DNHD1: variants seen among roughly 807,000 people sequenced by gnomAD.
DNHD1 encodes the protein dynein heavy chain domain-containing protein 1.
DNHD1 carries 383 observed loss-of-function variants against 458.1 expected under a neutral mutation model. The observed-to-expected ratio is 0.84, with a 90% CI of 0.77 to 0.91. The LOEUF (loss-of-function observed/expected upper bound fraction) is 0.91. Ranked by LOEUF, DNHD1 falls within the 40% of genes least tolerant of loss-of-function variation. The pLI, the probability that DNHD1 is intolerant of heterozygous loss-of-function variation, is 0.00. For synonymous variants in DNHD1, 2,203 were observed against 2,376.9 expected (o/e 0.93, Z 2.13); for missense variants, 5,336 against 5,866.1 (o/e 0.91, Z 2.95).
chr11:6,530,027 T>G (rs1489871229), intron 12 of DNHD1, among the ~76,000 whole-genome samples: 1 of 152,234 alleles, frequency 6.6e-6, no homozygotes, highest in Non-Finnish European at 1.5e-5. Context: ...ATCAATTCTC[T>G]GCTATCATCT....
In DNHD1 at chr11:6,538,818, T is replaced by C. The variant is rs1223222809; in HGVS notation, c.3325+8T>C. On this transcript the variant is annotated splice_region_variant and intron_variant, in intron 16 of 42. Coordinates refer to ENST00000254579, the MANE Select transcript of DNHD1 (RefSeq NM_144666.3). ...GCCAGTGTCTCCTGCGTGGTATGTT[T>C]GGTTAATGTCAGAGGAGGGGGAAAG... 6.7e-7 allele frequency: 1 copy of C among 1,492,922 alleles called. No individual in the cohort carries two copies. Among genetic ancestry groups the C allele is most frequent in the Non-Finnish European group, 9.0e-7 (1 of 1,113,184 alleles). 92.5% of individuals were successfully genotyped at this position (1,492,922 alleles called of 1,614,324 possible). A position where few individuals can be genotyped will look rare whatever the true frequency, so the allele number is the denominator to read the frequency against.
chr11:6,499,626 G>A (rs1040265903), intron 3 of DNHD1, among the ~76,000 whole-genome samples: 7 of 151,832 alleles, frequency 4.6e-5, no homozygotes, highest in Non-Finnish European at 1.0e-4. Context: ...GGAGTGCAAC[G>A]GCATGGTCTC....
intron 39 of DNHD1, 45 bp from the exon 40 acceptor site, chr11:6,569,964 A>C: frequency 6.5e-7 from 1 of 1,548,262 alleles, no homozygotes; most frequent in Non-Finnish European, 8.9e-7. Context: ...AGTCCTCAGC[A>C]TATAGATGAT....
In DNHD1 at chr11:6,547,107, C is replaced by G. The variant is rs1365238561; in HGVS notation, c.6168C>G (p.Pro2056=). ...EGSCWHHGIF[P]KVLRAAGQCN... is the part of the protein sequence containing the mutation. ...CCTGCTGGCATCATGGCATCTTTCC[C>G]AAGGTACTTCGTGCAGCCGGTCAGT... The change falls in exon 21 of 43, where the codon CCC becomes CCG. Residue 2056 remains proline, a synonymous_variant. Transcript: ENST00000254579. The G allele has an allele frequency of 6.4e-7, 1 of 1,551,620 alleles. No individual in the cohort carries two copies. The highest frequency in any genetic ancestry group is 8.7e-7 in the Non-Finnish European group (1 of 1,147,012).
At position 6,564,671 on chromosome 11, in the gene DNHD1, G is replaced by A; in HGVS notation, c.10623G>A (p.Leu3541=). The A allele has an allele frequency of 6.4e-7, 1 of 1,551,734 alleles. No individual in the cohort carries two copies. Among genetic ancestry groups the A allele is most frequent in the Non-Finnish European group, 8.7e-7 (1 of 1,147,000 alleles). ...CGGCCCACCTGGCAGGCTTGCTTCT[G>A]CGAAGCCCCACACACTACAGTAGTT... is the stretch of plus-strand genomic sequence containing the variant. ...AKSAHLAGLL[L]RSPTHYSSCR... The change falls in exon 32 of 43, where the codon CTG becomes CTA. Residue 3541 remains leucine, a synonymous_variant. Transcript: ENST00000254579.
At position 6,565,946 on chromosome 11, in the gene DNHD1, G is replaced by A; in HGVS notation, c.11008G>A (p.Ala3670Thr). Residue 3670 changes from alanine to threonine, a missense_variant, in exon 33 of 43, where the codon GCT (alanine) becomes ACT (threonine). This residue lies in a region of DNHD1 where 695 missense variants were observed against 804.2 expected (regional missense o/e 0.86). Transcript: ENST00000254579. ...SLPYLSVLSG[A>T]DPELGSQLQE... The stretch of plus-strand genomic sequence containing the variant: ...TCCCTACCTTAGTGTTCTTTCAGGT[G>A]CTGACCCAGAGCTGGGTTCTCAGCT... The A allele has an allele frequency of 6.4e-7, 1 of 1,551,658 alleles. No individual in the cohort carries two copies. The highest frequency in any genetic ancestry group is 1.4e-5 in the African/African-American group (1 of 73,132).
chr11:6,521,049 A>G (rs2134396838), intron 10 of DNHD1, among the ~76,000 whole-genome samples: 1 of 152,342 alleles, frequency 6.6e-6, no homozygotes, highest in South Asian at 2.1e-4. Flanking sequence ...CTCCAAATAA[A>G]TTTAGGTTAA....
intron 32 of DNHD1, 126 bp from the exon 33 acceptor site, chr11:6,565,569 A>T: frequency 9.5e-7 from 1 of 1,049,408 alleles, no homozygotes; most frequent in Non-Finnish European, 1.4e-6. Context: ...TAGAGAGCTT[A>T]AGCAACTTTC....
chr11:6,528,409 G>GTGTA, intron 10 of DNHD1, 113 bp from the exon 11 acceptor site: 2 of 967,672 alleles, frequency 2.1e-6, no homozygotes, highest in Middle Eastern at 2.6e-4. Flanking sequence ...GAATGGGTGT[G>GTGTA]TGTGTGTGTG....
chr11:6,526,030 C>T (rs1852705142), intron 10 of DNHD1, among the ~76,000 whole-genome samples: 1 of 109,058 alleles, frequency 9.2e-6, no homozygotes, highest in Admixed American at 9.0e-5. Context: ...TTGTTCTCTT[C>T]CCTTGCTTTG....
At chr11:6,541,512 C>A (rs10500673) in intron 18 of DNHD1, among the ~76,000 whole-genome samples, 126,634 of 152,158 alleles carry the variant, frequency 0.83, 53,337 homozygotes, top group Admixed American at 0.89. Flanking sequence ...GGCTTTAGTC[C>A]GTACATTTGA....
intron 10 of DNHD1, among the ~76,000 whole-genome samples, chr11:6,525,246 G>T (rs1852687436): frequency 6.6e-6 from 1 of 152,120 alleles, no homozygotes; most frequent in Non-Finnish European, 1.5e-5. Context: ...CTCCCCATCA[G>T]ACTCACTTTT....
At chr11:6,520,514 G>T in intron 10 of DNHD1, 1 of 1,398,522 alleles carries the variant, frequency 7.2e-7, no homozygotes, top group Non-Finnish European at 9.3e-7. Context: ...CGTGCAATGA[G>T]AGGGTGTATG....
intron 28 of DNHD1, among the ~76,000 whole-genome samples, chr11:6,562,117 A>T (rs556355880): frequency 6.6e-6 from 1 of 152,296 alleles, no homozygotes; most frequent in South Asian, 2.1e-4. Context: ...AGTGACTGAC[A>T]TTGGGAAGGG....
intron 10 of DNHD1, chr11:6,520,793 G>A: frequency 2.0e-6 from 2 of 991,802 alleles, no homozygotes; most frequent in Non-Finnish European, 2.4e-6. Flanking sequence ...CATCAGCGTG[G>A]AAACACATCT....
Position 6,529,027 on chromosome 11 carries a change from T to C in DNHD1, c.2253T>C (p.Asn751=), listed in dbSNP as rs1427065635. 1 of 1,551,356 alleles carries C rather than the reference T, an allele frequency of 6.4e-7. No homozygotes were observed. Among genetic ancestry groups the C allele is most frequent in the Non-Finnish European group, 8.7e-7 (1 of 1,146,990 alleles). The part of the protein sequence containing the change: ...KNYVTLVSRL[N]VWQARVSSMP... The stretch of plus-strand genomic sequence containing the variant: ...ACGTGACGCTGGTGAGCCGCCTGAA[T>C]GTTTGGCAGGCCCGTGTCTCCAGTA... Residue 751 remains asparagine (N), a synonymous_variant, in exon 12 of 43, where the codon AAT becomes AAC. Transcript: ENST00000254579.
At chr11:6,500,827 T>C (rs933241632) in intron 3 of DNHD1, among the ~76,000 whole-genome samples, 15 of 152,212 alleles carry the variant, frequency 9.9e-5, no homozygotes, top group African/African-American at 3.6e-4. Context: ...ATCCCTTCAC[T>C]TGAGGTATTA....
In DNHD1 at chr11:6,544,034, C is replaced by G. The variant is rs1019883720; in HGVS notation, c.3629-87C>G. ...CATCAGGGTCTCTGTAACTGCCTCT[C>G]CTGGAAGGTTCCCCTGGTCTCCTCT... On this transcript the variant is annotated intron_variant, in intron 18 of 42. Transcript: ENST00000254579. 13 of 1,350,622 alleles carry G rather than the reference C, an allele frequency of 9.6e-6. No individual in the cohort carries two copies. The African/African-American group carries it at 1.9e-4, about 20-fold the overall frequency. The allele number at this position is 1,350,622 out of a possible 1,614,324, so 83.7% of individuals were successfully genotyped here. A position where few individuals can be genotyped will look rare whatever the true frequency, so the allele number is the denominator to read the frequency against.
intron 10 of DNHD1, among the ~76,000 whole-genome samples, chr11:6,523,369 G>A (rs1294357557): frequency 6.6e-6 from 1 of 152,128 alleles, no homozygotes; most frequent in Admixed American, 6.6e-5. Context: ...CAGTGTGACT[G>A]TGAGTAGATT....
Sources: allele counts gnomAD v4.1 joint callset (sites outside exome capture counted in the v4.1 genomes callset), GRCh38; gene constraint gnomAD v4.1.1; regional missense constraint gnomAD v4.1.1; transcripts MANE v1.5; gene names NCBI Gene and HGNC (gene_info 2026-07-23, HGNC 2026-07-21).